The following SLC16A10 variants were observed in gnomAD, a reference collection of about 807,000 sequenced individuals.
SLC16A10 encodes solute carrier family 16 member 10.
In SLC16A10, 27 loss-of-function variants were observed where a neutral mutation model predicts 40.0. The observed-to-expected ratio is 0.67, with a 90% CI of 0.50 to 0.93. The LOEUF is 0.93. SLC16A10 is among the 40% of genes least tolerant of loss of function. SLC16A10 has a pLI of 0.00. For missense variants in SLC16A10, 529 were observed against 658.2 expected (o/e 0.80, Z 2.15); for synonymous variants, 213 against 249.8 (o/e 0.85, Z 1.39).
intron 1 of SLC16A10, among the ~76,000 whole-genome samples, chr6:111,172,301 C>A (rs991425933): frequency 1.3e-5 from 2 of 152,054 alleles, no homozygotes; most frequent in Non-Finnish European, 2.9e-5. Flanking sequence ...ATTTCCTCAG[C>A]GAAGTCAGAT....
At chr6:111,182,943 C>T (rs1167320040) in intron 3 of SLC16A10, among the ~76,000 whole-genome samples, 1 of 152,208 alleles carries the variant, frequency 6.6e-6, no homozygotes, top group East Asian at 1.9e-4. Context: ...ACCACGTACC[C>T]CTAGCCTGGA....
chr6:111,089,074 C>G (rs1424762426), intron 1 of SLC16A10, among the ~76,000 whole-genome samples: 3 of 152,012 alleles, frequency 2.0e-5, no homozygotes, highest in Admixed American at 1.3e-4. Flanking sequence ...CCCTCCCCAT[C>G]ATTTGGGGTA....
At position 111,227,233 on chromosome 6, in the gene SLC16A10, AAAT is replaced by A. The variant is rs1771019240; in HGVS notation, c.*5004_*5006del. On this transcript the variant is annotated 3_prime_UTR_variant, in exon 6 of 6. Coordinates refer to ENST00000368851, the MANE Select transcript of SLC16A10 (RefSeq NM_018593.5). The stretch of plus-strand genomic sequence containing the variant: ...CTGAATTTAAGAATGGTTCTGGAGC[AAAT>A]AATAACAAGGTAGACAAGCAGGCCC... 1 of 152,248 alleles carries A rather than the reference AAAT, an allele frequency of 6.6e-6. No individual in the cohort carries two copies. Among genetic ancestry groups the A allele is most frequent in the African/African-American group, 2.4e-5 (1 of 41,458 alleles). 9.4% of individuals were successfully genotyped at this position (152,248 alleles called of 1,614,324 possible). A position where few individuals can be genotyped will look rare whatever the true frequency, so the allele number is the denominator to read the frequency against.
chr6:111,209,124 G>A (rs986786219), intron 4 of SLC16A10, among the ~76,000 whole-genome samples: 1 of 152,152 alleles, frequency 6.6e-6, no homozygotes, highest in African/African-American at 2.4e-5. Flanking sequence ...GGAGGACTTT[G>A]AGCCTAGGAC....
At chr6:111,169,175 G>A (rs1200325155) in intron 1 of SLC16A10, among the ~76,000 whole-genome samples, 1 of 152,196 alleles carries the variant, frequency 6.6e-6, no homozygotes, top group African/African-American at 2.4e-5. Flanking sequence ...GCCTTTGTCA[G>A]GGCAAAGGAA....
chr6:111,118,869 T>C (rs1341933651), intron 1 of SLC16A10, among the ~76,000 whole-genome samples: 2 of 152,098 alleles, frequency 1.3e-5, no homozygotes, highest in African/African-American at 4.8e-5. Context: ...ATTTTCATGC[T>C]TATTCAGAAG....
At chr6:111,202,631 G>A (rs1460574134) in intron 3 of SLC16A10, among the ~76,000 whole-genome samples, 1 of 152,058 alleles carries the variant, frequency 6.6e-6, no homozygotes, top group Admixed American at 6.6e-5. Flanking sequence ...GCTCACACCT[G>A]TAATCCCAGC....
chr6:111,194,112 A>T (rs1773040495), intron 3 of SLC16A10, among the ~76,000 whole-genome samples: 1 of 152,102 alleles, frequency 6.6e-6, no homozygotes, highest in African/African-American at 2.4e-5. Context: ...TTTTTAACTG[A>T]TTTCAGGTTG....
intron 1 of SLC16A10, among the ~76,000 whole-genome samples, chr6:111,111,558 A>G (rs1771386149): frequency 6.6e-6 from 1 of 152,196 alleles, no homozygotes; most frequent in Non-Finnish European, 1.5e-5. Flanking sequence ...CCGTCTCTAC[A>G]AAAAATAATA....
At chr6:111,189,417 T>A (rs1305125748) in intron 3 of SLC16A10, among the ~76,000 whole-genome samples, 1 of 152,154 alleles carries the variant, frequency 6.6e-6, no homozygotes, top group African/African-American at 2.4e-5. Context: ...TGGATTTTTT[T>A]ATCCAACTTA....
chr6:111,124,844 T>G (rs932814977), intron 1 of SLC16A10, among the ~76,000 whole-genome samples: 1 of 152,244 alleles, frequency 6.6e-6, no homozygotes, highest in East Asian at 1.9e-4. Context: ...GATCTGCTTA[T>G]CAACTGTTTG....
At chr6:111,199,988 C>T (rs1273576198) in intron 3 of SLC16A10, among the ~76,000 whole-genome samples, 1 of 152,088 alleles carries the variant, frequency 6.6e-6, no homozygotes, top group Admixed American at 6.5e-5. Flanking sequence ...CCAGAAACTT[C>T]TTTTTTCCCA....
chr6:111,190,107 G>A (rs1482852284), intron 3 of SLC16A10, among the ~76,000 whole-genome samples: 1 of 152,178 alleles, frequency 6.6e-6, no homozygotes, highest in African/African-American at 2.4e-5. Context: ...TACATGCATT[G>A]GGTAAATACA....
rs777709013 is a variant in SLC16A10, at chr6:111,177,585, T to G, written c.862T>G (p.Phe288Val). 6.2e-7 allele frequency: 1 copy of G among 1,611,806 alleles called. No homozygotes were observed. The change falls in exon 3 of 6, where the codon TTC becomes GTC. Residue 288 changes from phenylalanine (F) to valine (V), a missense_variant. Physicochemically the swap from Phe to Val is conservative, Grantham distance 50. Coordinates refer to ENST00000368851, the MANE Select transcript of SLC16A10 (RefSeq NM_018593.5). ...AAAAAAAATTTTCAATTTTGCCATC[T>G]TCAAGGTGACAGCTTATGCAGTGTG... ...PPKKIFNFAIFKVTAYAVWAV... is the reference protein window; with the variant it reads ...PPKKIFNFAIVKVTAYAVWAV...
chr6:111,217,581 CTGGGATTACA>C (rs2114593536), intron 4 of SLC16A10, among the ~76,000 whole-genome samples: 2 of 149,956 alleles, frequency 1.3e-5, no homozygotes, highest in African/African-American at 4.8e-5. Context: ...TCCCGAGTAG[CTGGGATTACA>C]GGCGCCGGCC....
At chr6:111,157,760 A>T (rs1183620175) in intron 1 of SLC16A10, among the ~76,000 whole-genome samples, 4 of 152,214 alleles carry the variant, frequency 2.6e-5, no homozygotes, top group Non-Finnish European at 5.9e-5. Context: ...CTATGAGTCC[A>T]TAATGATATA....
intron 1 of SLC16A10, 89 bp from the exon 2 acceptor site, chr6:111,172,605 AT>A: frequency 6.8e-7 from 1 of 1,460,768 alleles, no homozygotes; most frequent in African/African-American, 1.4e-5. Flanking sequence ...TAAAAATAAA[AT>A]TTTTCTAAAT....
chr6:111,158,290 T>C (rs541564102), intron 1 of SLC16A10, among the ~76,000 whole-genome samples: 9 of 152,210 alleles, frequency 5.9e-5, no homozygotes, highest in Non-Finnish European at 1.3e-4. Flanking sequence ...TCCCTATTTT[T>C]AGCTTTTTTC....
chr6:111,191,889 A>G (rs1019589892), intron 3 of SLC16A10, among the ~76,000 whole-genome samples: 2 of 151,936 alleles, frequency 1.3e-5, no homozygotes, highest in African/African-American at 4.8e-5. Context: ...TAAATTTGTT[A>G]AAGTTCCTTG....
Sources: allele counts gnomAD v4.1 joint callset (sites outside exome capture counted in the v4.1 genomes callset), GRCh38; gene constraint gnomAD v4.1.1; transcripts MANE v1.5; gene names NCBI Gene and HGNC (gene_info 2026-07-23, HGNC 2026-07-21).